Variants in MSRA observed in about 807,000 individuals in gnomAD.
MSRA encodes mitochondrial peptide methionine sulfoxide reductase.
In MSRA, 54 loss-of-function variants were observed where a neutral mutation model predicts 31.3. The ratio of observed to expected loss-of-function variants is 1.73; its 90% CI spans 1.39 to 2.17. The LOEUF (loss-of-function observed/expected upper bound fraction) is 2.17. MSRA is among the 30% of genes most tolerant of loss of function. The probability of loss-of-function intolerance (pLI) is 0.00; values close to 1 mark genes in which losing one functional copy is unlikely to be tolerated. For synonymous variants in MSRA, 169 were observed against 116.5 expected, an observed-to-expected ratio of 1.45 and a Z score of -2.90; for missense variants, 507 against 300.9, an observed-to-expected ratio of 1.69 and a Z score of -5.07.
chr8:10,140,622 G>A (rs559628706), intron 1 of MSRA, among the ~76,000 whole-genome samples: 1 of 152,006 alleles, frequency 6.6e-6, no homozygotes, highest in Non-Finnish European at 1.5e-5. Context: ...ATAATTTCTC[G>A]GTTTCTCTAT....
chr8:10,135,560 A>G (rs1047090336), intron 1 of MSRA, among the ~76,000 whole-genome samples: 1 of 152,210 alleles, frequency 6.6e-6, no homozygotes, highest in Non-Finnish European at 1.5e-5. Flanking sequence ...ACATGATGAC[A>G]CTTAAATTTA....
At chr8:10,150,042 G>C (rs1213408510) in intron 1 of MSRA, among the ~76,000 whole-genome samples, 1 of 150,806 alleles carries the variant, frequency 6.6e-6, no homozygotes, top group Non-Finnish European at 1.5e-5. Context: ...TGTTGGATTG[G>C]GGAAAAAGTG....
intron 2 of MSRA, among the ~76,000 whole-genome samples, chr8:10,231,772 G>C (rs1333883793): frequency 6.6e-6 from 1 of 151,972 alleles, no homozygotes; most frequent in Admixed American, 6.6e-5. Context: ...GCGTGGTGGC[G>C]GGCGCCTATA....
At chr8:10,152,426 C>T (rs1563156474) in intron 1 of MSRA, among the ~76,000 whole-genome samples, 1 of 151,882 alleles carries the variant, frequency 6.6e-6, no homozygotes. Context: ...TTCTTTTTGC[C>T]CATTGTTTGT....
chr8:10,395,920 G>C (rs1439943452), intron 5 of MSRA, among the ~76,000 whole-genome samples: 1 of 152,146 alleles, frequency 6.6e-6, no homozygotes, highest in African/African-American at 2.4e-5. Flanking sequence ...ATTCACAAAG[G>C]TTCCAGTTTC....
intron 5 of MSRA, among the ~76,000 whole-genome samples, chr8:10,409,043 C>G (rs1397864194): frequency 1.3e-5 from 2 of 152,174 alleles, no homozygotes; most frequent in Non-Finnish European, 2.9e-5. Context: ...GTGCAGGTGT[C>G]TTTTTCATGT....
chr8:10,325,987 G>C (rs977848132), intron 5 of MSRA, among the ~76,000 whole-genome samples: 4 of 152,160 alleles, frequency 2.6e-5, no homozygotes, highest in Non-Finnish European at 5.9e-5. Context: ...CTAAAAGTGG[G>C]GAAATTCTGC....
intron 1 of MSRA, among the ~76,000 whole-genome samples, chr8:10,085,773 C>G (rs1461945947): frequency 6.6e-6 from 1 of 152,208 alleles, no homozygotes; most frequent in Non-Finnish European, 1.5e-5. Context: ...CTCCAGCTAA[C>G]AATTGATCTG....
At chr8:10,066,697 C>G (rs1406597039) in intron 1 of MSRA, among the ~76,000 whole-genome samples, 2 of 151,942 alleles carry the variant, frequency 1.3e-5, no homozygotes, top group Admixed American at 6.6e-5. Flanking sequence ...CCAGACCTAG[C>G]TATTTTTTTG....
At chr8:10,070,187 AG>A (rs1435770181) in intron 1 of MSRA, among the ~76,000 whole-genome samples, 1 of 152,194 alleles carries the variant, frequency 6.6e-6, no homozygotes, top group Non-Finnish European at 1.5e-5. Flanking sequence ...CTATCAAGGG[AG>A]CAAAAATGTC....
At chr8:10,410,313 A>C (rs1287409457) in intron 5 of MSRA, among the ~76,000 whole-genome samples, 1 of 152,180 alleles carries the variant, frequency 6.6e-6, no homozygotes, top group Non-Finnish European at 1.5e-5. Context: ...GAAAAACCCA[A>C]GTCACTTGTT....
chr8:10,395,018 G>T (rs919168569), intron 5 of MSRA, among the ~76,000 whole-genome samples: 1 of 152,214 alleles, frequency 6.6e-6, no homozygotes, highest in African/African-American at 2.4e-5. Context: ...TTTCAACTCA[G>T]TCCCTGTCCT....
intron 1 of MSRA, among the ~76,000 whole-genome samples, chr8:10,103,054 G>A (rs1388842869): frequency 1.3e-5 from 2 of 152,132 alleles, no homozygotes; most frequent in Non-Finnish European, 2.9e-5. Flanking sequence ...TTTACCACTA[G>A]CACATTGAAT....
intron 1 of MSRA, among the ~76,000 whole-genome samples, chr8:10,191,327 G>A (rs147187105): frequency 2.0e-3 from 304 of 152,182 alleles, no homozygotes; most frequent in Non-Finnish European, 3.4e-3. Flanking sequence ...CCGAAATACA[G>A]AATATTCTCC....
Position 10,319,805 on chromosome 8 carries a change from T to C in MSRA, c.437-78T>C, listed in dbSNP as rs796456691. On this transcript the variant is annotated intron_variant, in intron 4 of 5. Coordinates refer to ENST00000317173, the MANE Select transcript of MSRA (RefSeq NM_012331.5). ...GGACCATATGAAAAGTGTCAAAATG[T>C]CTCAGCATTGTGCCCAGTTTGAGAC... is the stretch of plus-strand genomic sequence containing the variant. 86 of 758,202 alleles carry C rather than the reference T, an allele frequency of 1.1e-4. No individual in the cohort carries two copies. In the African/African-American group the frequency reaches 1.5e-3, roughly 13 times the overall value. The allele number at this position is 758,202 out of a possible 1,614,324, so 47.0% of individuals were successfully genotyped here.
chr8:10,428,182 C>A lies in MSRA; in HGVS notation c.578C>A (p.Thr193Asn), dbSNP rs1273220680. 1 of 1,614,112 alleles carries A rather than the reference C, an allele frequency of 6.2e-7. No individual in the cohort carries two copies. The highest frequency in any genetic ancestry group is 1.7e-5 in the Admixed American group (1 of 59,988). ...LSEHGFGPITTDIREGQTFYY... is the reference protein window; with the variant it reads ...LSEHGFGPITNDIREGQTFYY... ...GAGCACGGCTTCGGCCCCATCACTA[C>A]CGACATCCGGGAGGGACAGACTTTC... is the stretch of plus-strand genomic sequence containing the variant. The change falls in exon 6 of 6, where the codon ACC becomes AAC. Residue 193 changes from threonine (T) to asparagine (N), a missense_variant. Physicochemically the swap from Thr to Asn is moderately conservative, Grantham distance 65. Transcript: ENST00000317173.
intron 5 of MSRA, among the ~76,000 whole-genome samples, chr8:10,372,248 G>T (rs1044184995): frequency 2.0e-5 from 3 of 152,186 alleles, no homozygotes; most frequent in Admixed American, 2.0e-4. Context: ...ATAGGAGCCA[G>T]AGGGGTCCAA....
chr8:10,295,970 A>G (rs1412424775), intron 3 of MSRA, among the ~76,000 whole-genome samples: 2 of 152,222 alleles, frequency 1.3e-5, no homozygotes, highest in Non-Finnish European at 2.9e-5. Flanking sequence ...ACACTTGCTC[A>G]TTAAACCTGG....
At chr8:10,235,820 T>TTTTCTG (rs1226206396) in intron 2 of MSRA, among the ~76,000 whole-genome samples, 1 of 152,132 alleles carries the variant, frequency 6.6e-6, no homozygotes, top group African/African-American at 2.4e-5. Flanking sequence ...GAGGCCAGTA[T>TTTTCTG]AACCTTGATA....
Sources: allele counts gnomAD v4.1 joint callset (sites outside exome capture counted in the v4.1 genomes callset), GRCh38; gene constraint gnomAD v4.1.1; transcripts MANE v1.5; gene names NCBI Gene and HGNC (gene_info 2026-07-23, HGNC 2026-07-21).